The following METTL15 variants were observed in gnomAD, a reference collection of about 807,000 sequenced individuals.
The protein encoded by METTL15 is methyltransferase 15, mitochondrial 12S rRNA N4-cytidine.
Under a neutral mutation model 38.3 loss-of-function variants are expected in METTL15, and 34 were observed. The observed-to-expected ratio is 0.89, with a 90% confidence interval of 0.68 to 1.18. The LOEUF (loss-of-function observed/expected upper bound fraction) is 1.18. Among genes scored for constraint, METTL15 ranks in the 50% most tolerant of loss-of-function variants. METTL15 has a pLI of 0.00. For missense variants in METTL15, 438 were observed against 498.4 expected, an observed-to-expected ratio of 0.88 and a Z score of 1.15; for synonymous variants, 162 against 170.9, an observed-to-expected ratio of 0.95 and a Z score of 0.41.
intron 3 of METTL15, chr11:28,197,523 C>T (rs765467842): frequency 4.9e-5 from 22 of 446,010 alleles, no homozygotes; most frequent in South Asian, 3.7e-4. Context: ...TTTCCATTTA[C>T]ACACGAGGAA....
chr11:28,233,064 C>T (rs1397263006), intron 4 of METTL15, among the ~76,000 whole-genome samples: 1 of 151,910 alleles, frequency 6.6e-6, no homozygotes, highest in Non-Finnish European at 1.5e-5. Context: ...AAATTATGCC[C>T]TTAACAATCT....
chr11:28,237,129 C>A (rs1227020021), intron 4 of METTL15, among the ~76,000 whole-genome samples: 5 of 151,990 alleles, frequency 3.3e-5, no homozygotes, highest in African/African-American at 1.2e-4. Context: ...TCTGTATTTC[C>A]TGAATCTGAA....
intron 6 of METTL15, among the ~76,000 whole-genome samples, chr11:28,502,796 C>A (rs1476234817): frequency 6.6e-6 from 1 of 151,754 alleles, no homozygotes; most frequent in Non-Finnish European, 1.5e-5. Flanking sequence ...AATTGGGGGA[C>A]GTGAAAAAGA....
At chr11:28,147,084 A>G (rs533878859) in intron 3 of METTL15, among the ~76,000 whole-genome samples, 2 of 152,048 alleles carry the variant, frequency 1.3e-5, no homozygotes, top group East Asian at 3.9e-4. Flanking sequence ...AGAAAGGATT[A>G]CTGAATAAAA....
chr11:28,498,591 CT>C (rs1373449795), intron 6 of METTL15, among the ~76,000 whole-genome samples: 3 of 152,192 alleles, frequency 2.0e-5, no homozygotes, highest in African/African-American at 7.2e-5. Flanking sequence ...CCTCCTACCC[CT>C]ATTTGTCCTT....
At chr11:28,162,706 A>G (rs1464433564) in intron 3 of METTL15, among the ~76,000 whole-genome samples, 5 of 152,126 alleles carry the variant, frequency 3.3e-5, no homozygotes, top group Non-Finnish European at 7.4e-5. Context: ...TAGTTGGGCA[A>G]AATCATCAAA....
chr11:28,198,851 TAGAC>T (rs1225294461), intron 3 of METTL15, among the ~76,000 whole-genome samples: 7 of 152,298 alleles, frequency 4.6e-5, no homozygotes, highest in African/African-American at 1.7e-4. Flanking sequence ...GTCGACATGT[TAGAC>T]AGAAAACATG....
chr11:28,194,472 T>C (rs991915961), intron 3 of METTL15, among the ~76,000 whole-genome samples: 1 of 151,900 alleles, frequency 6.6e-6, no homozygotes, highest in African/African-American at 2.4e-5. Context: ...AGTGCTGGGA[T>C]TACAAGCATG....
intron 6 of METTL15, among the ~76,000 whole-genome samples, chr11:28,444,336 T>G (rs1480313188): frequency 6.6e-6 from 1 of 152,186 alleles, no homozygotes; most frequent in Non-Finnish European, 1.5e-5. Context: ...ATCATTTATA[T>G]TTTTTCCTAA....
intron 6 of METTL15, among the ~76,000 whole-genome samples, chr11:28,508,633 T>C (rs1851649320): frequency 6.6e-6 from 1 of 152,188 alleles, no homozygotes; most frequent in Non-Finnish European, 1.5e-5. Flanking sequence ...GATCTTTTTG[T>C]CCCTTAGTCA....
At chr11:28,234,383 G>A (rs1222804191) in intron 4 of METTL15, among the ~76,000 whole-genome samples, 3 of 151,636 alleles carry the variant, frequency 2.0e-5, no homozygotes, top group Non-Finnish European at 2.9e-5. Flanking sequence ...TCGCCACACT[G>A]ACTTCCAAAA....
chr11:28,237,964 G>A (rs1345739122), intron 4 of METTL15, among the ~76,000 whole-genome samples: 2 of 152,164 alleles, frequency 1.3e-5, no homozygotes, highest in Non-Finnish European at 2.9e-5. Flanking sequence ...TCCTCTGGAA[G>A]TTTTTTCTCA....
intron 3 of METTL15, chr11:28,163,549 C>CTGTG (rs1477135240): frequency 1.9e-4 from 72 of 375,014 alleles, no homozygotes; most frequent in African/African-American, 1.3e-3. Flanking sequence ...CTCTCTCTCT[C>CTGTG]TCTGTGTGTG....
intron 3 of METTL15, among the ~76,000 whole-genome samples, chr11:28,141,062 T>C (rs1322625921): frequency 1.3e-5 from 2 of 152,184 alleles, no homozygotes; most frequent in Non-Finnish European, 2.9e-5. Context: ...GCAGCAGAGA[T>C]AGTGTTTAGT....
chr11:28,421,291 A>G (rs1393055776), intron 5 of METTL15, among the ~76,000 whole-genome samples: 1 of 152,040 alleles, frequency 6.6e-6, no homozygotes, highest in East Asian at 1.9e-4. Context: ...CATTTAAAGA[A>G]GAACTAATAT....
chr11:28,453,060 C>A (rs1851136916), intron 6 of METTL15, among the ~76,000 whole-genome samples: 1 of 152,198 alleles, frequency 6.6e-6, no homozygotes, highest in African/African-American at 2.4e-5. Context: ...CAGTATGGAT[C>A]CCTACATCAT....
At chr11:28,355,469 T>C (rs1401795982) in intron 4 of METTL15, among the ~76,000 whole-genome samples, 1 of 152,188 alleles carries the variant, frequency 6.6e-6, no homozygotes, top group Non-Finnish European at 1.5e-5. Flanking sequence ...CTCTGTTTCT[T>C]CATTGAAAGA....
chr11:28,258,619 T>C (rs1855070581), intron 4 of METTL15, among the ~76,000 whole-genome samples: 1 of 152,128 alleles, frequency 6.6e-6, no homozygotes, highest in South Asian at 2.1e-4. Context: ...TTTCTCCCCT[T>C]TCCAAAGGCA....
chr11:28,305,211 GAAA>G (rs1310737870), intron 6 of METTL15, among the ~76,000 whole-genome samples: 1 of 152,092 alleles, frequency 6.6e-6, no homozygotes, highest in South Asian at 2.1e-4. Flanking sequence ...ATGGAATGTG[GAAA>G]AAAAGAAAGA....
Sources: allele counts gnomAD v4.1 joint callset (sites outside exome capture counted in the v4.1 genomes callset), GRCh38; gene constraint gnomAD v4.1.1; transcripts MANE v1.5; gene names NCBI Gene and HGNC (gene_info 2026-07-23, HGNC 2026-07-21).